PLXND1: variants seen among roughly 807,000 people sequenced by gnomAD.
PLXND1 encodes plexin-D1.
In PLXND1, 54 loss-of-function variants were observed where a neutral mutation model predicts 197.7. The observed-to-expected ratio is 0.27, with a 90% CI of 0.22 to 0.34. The LOEUF is 0.34. Ranked by LOEUF, PLXND1 falls within the 10% of genes least tolerant of loss-of-function variation. PLXND1 has a pLI of 1.00. For synonymous variants in PLXND1, 1,180 were observed against 1,161.2 expected (o/e 1.02, Z -0.33); for missense variants, 2,127 against 2,699.2 (o/e 0.79, Z 4.70).
Position 129,557,137 on chromosome 3 carries a change from G to A in PLXND1, c.5532C>T (p.Asp1844=). ...TCTCTTGCTCGCTGAGCGGCGTCAT[G>A]TCCTGGATCTGCTTGTAGTAGCGCT... ...IVQRYYKQIQ[D]MTPLSEQEMN... is the part of the protein sequence containing the mutation. The change falls in exon 34 of 36, where the codon GAC becomes GAT. Residue 1844 remains aspartate, a synonymous_variant. Transcript: ENST00000324093. The surrounding 1 kb of genome is among the most constrained non-coding windows in gnomAD (Gnocchi z 4.8). 2 of 1,614,132 alleles carry A rather than the reference G, an allele frequency of 1.2e-6. No homozygotes were observed. The highest frequency in any genetic ancestry group is 1.1e-5 in the South Asian group (1 of 91,082).
chr3:129,565,563 C>T (rs776401727), intron 24 of PLXND1, 25 bp from the exon 25 acceptor site: 3 of 1,602,912 alleles, frequency 1.9e-6, no homozygotes, highest in African/African-American at 1.3e-5. Context: ...CAGGTGTCAA[C>T]TGCACCTTGA....
At chr3:129,604,368 G>C (rs1416995217) in intron 1 of PLXND1, among the ~76,000 whole-genome samples, 5 of 152,238 alleles carry the variant, frequency 3.3e-5, no homozygotes. Context: ...AAACACAGAT[G>C]CTGAGGCCAG....
chr3:129,569,982 T>C (rs777752777), intron 19 of PLXND1, 25 bp from the exon 20 acceptor site: 4 of 1,356,002 alleles, frequency 2.9e-6, no homozygotes, highest in Non-Finnish European at 4.2e-6. Context: ...GGGAAGGGGG[T>C]TGTAGCTTTC....
chr3:129,561,588 G>A, intron 29 of PLXND1, 58 bp downstream of exon 29: 1 of 1,302,782 alleles, frequency 7.7e-7, no homozygotes. Context: ...TGGGGCATGG[G>A]ATGGAAGCCC....
At chr3:129,568,045 A>T (rs1290283513) in intron 20 of PLXND1, among the ~76,000 whole-genome samples, 3 of 152,044 alleles carry the variant, frequency 2.0e-5, no homozygotes, top group African/African-American at 7.2e-5. Context: ...CCTTAGAAAA[A>T]GAAGTGTGTA....
Position 129,565,506 on chromosome 3 carries a change from A to G in PLXND1, c.4355T>C (p.Leu1452Pro). 1 of 1,613,796 alleles carries G rather than the reference A, an allele frequency of 6.2e-7. No homozygotes were observed. Among genetic ancestry groups the G allele is most frequent in the Non-Finnish European group, 8.5e-7 (1 of 1,179,958 alleles). Residue 1452 changes from leucine (L) to proline (P), a missense_variant, in exon 25 of 36, where the codon CTG becomes CCG. Transcript: ENST00000324093. ...GGTGTAGTACTCCAGCTTGCCGTGC[A>G]GCGCGATGGTCAGCAGCGAGGCCAG... ...CSLASLLTIA[L>P]HGKLEYYTSI...
chr3:129,587,238 C>T (rs943663673), intron 2 of PLXND1, among the ~76,000 whole-genome samples: 7 of 152,162 alleles, frequency 4.6e-5, no homozygotes, highest in Non-Finnish European at 7.4e-5. Context: ...CCCATTTCAC[C>T]GAAGAGGAAT....
intron 22 of PLXND1, 91 bp from the exon 23 acceptor site, chr3:129,566,722 G>T: frequency 1.4e-6 from 1 of 731,600 alleles, no homozygotes; most frequent in Non-Finnish European, 2.3e-6. Context: ...CACTGGCTTG[G>T]GCTGCTGGGG....
intron 1 of PLXND1, among the ~76,000 whole-genome samples, chr3:129,600,655 G>A (rs557966019): frequency 1.4e-4 from 22 of 151,834 alleles, no homozygotes; most frequent in Middle Eastern, 3.4e-3. Flanking sequence ...AGGCCAGAGG[G>A]TCATCTCAGC....
At chr3:129,573,955 G>A (rs1211497819) in intron 12 of PLXND1, among the ~76,000 whole-genome samples, 1 of 152,198 alleles carries the variant, frequency 6.6e-6, no homozygotes, top group Non-Finnish European at 1.5e-5. Flanking sequence ...CTGAGCCCAC[G>A]TGGGCCTGGG....
At chr3:129,602,126 C>G (rs1317922447) in intron 1 of PLXND1, among the ~76,000 whole-genome samples, 1 of 152,130 alleles carries the variant, frequency 6.6e-6, no homozygotes, top group Non-Finnish European at 1.5e-5. Context: ...CATTTAATAC[C>G]CCCAACAGCC....
intron 1 of PLXND1, among the ~76,000 whole-genome samples, chr3:129,603,304 C>T (rs1318633461): frequency 2.0e-5 from 3 of 152,212 alleles, no homozygotes; most frequent in African/African-American, 7.2e-5. Flanking sequence ...AGCTCCAGCC[C>T]CCCTCAGCTG....
At position 129,577,642 on chromosome 3, in the gene PLXND1, T is replaced by C. The variant is rs1301940886; in HGVS notation, c.2346+687A>G. The stretch of plus-strand genomic sequence containing the variant: ...AGTTCCAGGGAGGTGGGGAGGGGGG[T>C]GGCTGGCACGCCTCCAGGACTCGTC... On this transcript the variant is annotated intron_variant, in intron 9 of 35. Coordinates refer to ENST00000324093, the MANE Select transcript of PLXND1 (RefSeq NM_015103.3). This position sits in a 1 kb window ranked among gnomAD's most constrained non-coding sequence, Gnocchi z 5.0. Among the ~76,000 whole-genome samples the C allele has an allele frequency of 6.6e-6, 1 of 151,008 alleles. No homozygotes were observed. Among genetic ancestry groups the C allele is most frequent in the Non-Finnish European group, 1.5e-5 (1 of 67,746 alleles).
chr3:129,605,713 G>A lies in PLXND1; in HGVS notation c.927C>T (p.Asp309=). Residue 309 remains aspartate (D), a synonymous_variant, in exon 1 of 36, where the codon GAC becomes GAT. Coordinates refer to ENST00000324093, the MANE Select transcript of PLXND1 (RefSeq NM_015103.3). The part of the protein sequence containing the change: ...LALNSEARAG[D]KESQARSLLA... Reference sequence around the variant, plus strand: ...GCAGGCTCCGCGCCTGGCTCTCCTTGTCGCCCGCGCGCGCCTCGCTGTTGA... The same window carrying A: ...GCAGGCTCCGCGCCTGGCTCTCCTTATCGCCCGCGCGCGCCTCGCTGTTGA... The A allele has an allele frequency of 6.5e-7, 1 of 1,540,846 alleles. No homozygotes were observed. The highest frequency in any genetic ancestry group is 8.7e-7 in the Non-Finnish European group (1 of 1,144,954).
chr3:129,564,774 C>T (rs1268067658), intron 25 of PLXND1, among the ~76,000 whole-genome samples: 1 of 152,250 alleles, frequency 6.6e-6, no homozygotes, highest in Non-Finnish European at 1.5e-5. Context: ...CACGAACATC[C>T]CCTCCTCCCG....
intron 2 of PLXND1, 66 bp from the exon 3 acceptor site, chr3:129,586,785 C>T (rs1333897602): frequency 6.4e-7 from 1 of 1,554,352 alleles, no homozygotes; most frequent in Non-Finnish European, 8.7e-7. Flanking sequence ...CAGGGGACAA[C>T]CTGAGCCCGG....
chr3:129,599,906 G>A (rs918979094), intron 1 of PLXND1, among the ~76,000 whole-genome samples: 2 of 152,246 alleles, frequency 1.3e-5, no homozygotes, highest in Non-Finnish European at 2.9e-5. Context: ...GCCAGGGCAA[G>A]TCACTTCCCC....
rs1266482721 is a variant in PLXND1, at chr3:129,560,440, A to C, written c.5029-6T>G. The C allele has an allele frequency of 6.2e-7, 1 of 1,600,982 alleles. No individual in the cohort carries two copies. The highest frequency in any genetic ancestry group is 8.6e-7 in the Non-Finnish European group (1 of 1,168,714). On this transcript the variant is annotated splice_region_variant and splice_polypyrimidine_tract_variant and intron_variant, in intron 30 of 35. Transcript: ENST00000324093. ...AGCTCGTCCGTAGGCAGCACCTGGG[A>C]GGCCGGGCAGTGGTCAGTGTCCGCA...
In PLXND1 at chr3:129,584,494, C is replaced by A. The variant is rs750330844; in HGVS notation, c.1920G>T (p.Gly640=). 1 of 1,613,986 alleles carries A rather than the reference C, an allele frequency of 6.2e-7. No homozygotes were observed. The highest frequency in any genetic ancestry group is 8.5e-7 in the Non-Finnish European group (1 of 1,179,956). The change falls in exon 6 of 36, where the codon GGG becomes GGT. Residue 640 remains glycine (G), a synonymous_variant. Transcript: ENST00000324093. ...LSGMEMACDY[G]NNIRTVARVP... ...CCCGAGCCACAGTGCGGATGTTGTTCCCATAGTCACAGGCCATCTCCATGC... is the reference window on the plus strand; with the variant it reads ...CCCGAGCCACAGTGCGGATGTTGTTACCATAGTCACAGGCCATCTCCATGC...
Sources: allele counts gnomAD v4.1 joint callset (sites outside exome capture counted in the v4.1 genomes callset), GRCh38; gene constraint gnomAD v4.1.1; non-coding constraint Gnocchi (gnomAD v3.1); transcripts MANE v1.5; gene names NCBI Gene and HGNC (gene_info 2026-07-23, HGNC 2026-07-21).